The following SLC25A25 variants were observed in gnomAD, a reference collection of about 807,000 sequenced individuals.
SLC25A25 encodes the protein mitochondrial adenyl nucleotide antiporter SLC25A25.
A neutral mutation model predicts 57.7 loss-of-function variants in SLC25A25; 32 were observed. The observed-to-expected ratio is 0.55, with a 90% CI of 0.42 to 0.74. The LOEUF (loss-of-function observed/expected upper bound fraction) is 0.74, where lower values mean the gene tolerates loss of function less well. SLC25A25 is among the 30% of genes least tolerant of loss of function. The pLI, the probability that SLC25A25 is intolerant of heterozygous loss-of-function variation, is 0.00. For missense variants in SLC25A25, 556 were observed against 701.3 expected (o/e 0.79, Z 2.34); for synonymous variants, 306 against 291.2 (o/e 1.05, Z -0.52).
intron 1 of SLC25A25, among the ~76,000 whole-genome samples, chr9:128,096,787 C>T (rs1014111098): frequency 1.3e-5 from 2 of 152,102 alleles, no homozygotes; most frequent in Non-Finnish European, 1.5e-5. Context: ...AGATAAGAGG[C>T]GTGTTAAAAT....
At chr9:128,090,276 A>C (rs1833370032) in intron 1 of SLC25A25, among the ~76,000 whole-genome samples, 1 of 151,916 alleles carries the variant, frequency 6.6e-6, no homozygotes, top group Non-Finnish European at 1.5e-5. Flanking sequence ...GCAATGGTGC[A>C]ATCTTGGCTC....
chr9:128,098,808 C>T, intron 1 of SLC25A25: 1 of 1,547,612 alleles, frequency 6.5e-7, no homozygotes, highest in Non-Finnish European at 8.7e-7. Flanking sequence ...ATGAACCATC[C>T]CCCACTGAGA....
chr9:128,102,446 A>C lies in SLC25A25; in HGVS notation c.589A>C (p.Ile197Leu), dbSNP rs781364472. 1 of 1,613,888 alleles carries C rather than the reference A, an allele frequency of 6.2e-7. No homozygotes were observed. Among genetic ancestry groups the C allele is most frequent in the Non-Finnish European group, 8.5e-7 (1 of 1,179,920 alleles). Residue 197 changes from isoleucine (I) to leucine (L), a missense_variant, in exon 5 of 11, where the codon ATC (isoleucine) becomes CTC (leucine). Ile to Leu is a conservative substitution (Grantham distance 5). Transcript: ENST00000373069. The surrounding 1 kb of genome is among the most constrained non-coding windows in gnomAD (Gnocchi z 4.1). The stretch of plus-strand genomic sequence containing the variant: ...CCACCTCCTCCACCCCGTGGAAAAC[A>C]TCCCCGAGATCATCCTCTACTGGAA... Reference protein sequence around the residue: ...DYHLLHPVENIPEIILYWKHS... With the variant: ...DYHLLHPVENLPEIILYWKHS...
chr9:128,079,991 A>G (rs886904281), intron 1 of SLC25A25, among the ~76,000 whole-genome samples: 24 of 149,980 alleles, frequency 1.6e-4, no homozygotes, highest in Non-Finnish European at 2.4e-4. Context: ...CTCCCTCTCA[A>G]AAAAAAAATT....
At chr9:128,106,592 G>C (rs536902507) in intron 9 of SLC25A25, 72 bp downstream of exon 9, 2 of 1,495,964 alleles carry the variant, frequency 1.3e-6, no homozygotes, top group Admixed American at 2.1e-5. Context: ...CCTCCTTGAC[G>C]GACGCGTGGT....
intron 1 of SLC25A25, chr9:128,092,019 G>A (rs1833423263): frequency 6.2e-7 from 1 of 1,613,920 alleles, no homozygotes; most frequent in African/African-American, 1.3e-5. Flanking sequence ...AAACAGGACG[G>A]AAGGGCTGAG....
At chr9:128,105,963 C>T in intron 7 of SLC25A25, 82 bp downstream of exon 7, 2 of 1,571,990 alleles carry the variant, frequency 1.3e-6, no homozygotes, top group Non-Finnish European at 1.7e-6. Context: ...GGGCTGAGCT[C>T]CCTGACACTT....
chr9:128,079,779 T>C (rs1588753181), intron 1 of SLC25A25, among the ~76,000 whole-genome samples: 2 of 140,800 alleles, frequency 1.4e-5, no homozygotes, highest in African/African-American at 5.4e-5. Context: ...GATCACGAGG[T>C]CAAGAGATTG....
At chr9:128,100,845 C>T in intron 1 of SLC25A25, 1 of 498,192 alleles carries the variant, frequency 2.0e-6, no homozygotes, top group Non-Finnish European at 3.6e-6. Flanking sequence ...TCCTTGTTTC[C>T]TCTCTGCTTG....
At chr9:128,075,776 G>A (rs147479165) in intron 1 of SLC25A25, among the ~76,000 whole-genome samples, 2,435 of 152,038 alleles carry the variant, frequency 0.016, 56 homozygotes, top group African/African-American at 0.05. Context: ...TCCAGGAGGC[G>A]GAGGTTGCAG....
chr9:128,096,315 C>G lies in SLC25A25; in HGVS notation c.262-4781C>G, dbSNP rs530128627. ...CTTGAGGCCAGGAGTTGGAGACCAG[C>G]CTGGCCAACATGGTAAAACCTAGTC... On this transcript the variant is annotated intron_variant, in intron 1 of 10. Coordinates refer to ENST00000373069, the MANE Select transcript of SLC25A25 (RefSeq NM_001330988.2). Among the ~76,000 whole-genome samples the G allele has an allele frequency of 7.9e-5, 12 of 152,274 alleles. No individual in the cohort carries two copies. In the South Asian group the frequency reaches 2.5e-3, roughly 32 times the overall value.
intron 1 of SLC25A25, among the ~76,000 whole-genome samples, chr9:128,093,516 G>C (rs975100127): frequency 2.6e-5 from 4 of 152,184 alleles, no homozygotes; most frequent in African/African-American, 9.7e-5. Context: ...TGTCTGTTCT[G>C]AACAGCTTAG....
chr9:128,068,341 C>G lies in SLC25A25; in HGVS notation c.22C>G (p.Arg8Gly), dbSNP rs1294372988. Residue 8 changes from arginine (R) to glycine (G), a missense_variant, in exon 1 of 11, where the codon CGC becomes GGC. Physicochemically the swap from Arg to Gly is moderately radical, Grantham distance 125 (BLOSUM62 -2). This residue lies in a region of SLC25A25 where 248 missense variants were observed against 273.5 expected (regional missense o/e 0.91). Transcript: ENST00000373069. The stretch of plus-strand genomic sequence containing the variant: ...CCCGATGGTGAGCAGTGTGTTGTGC[C>G]GCTGTGTGGCCTCCCCGCCGCCGGA... Reference protein sequence around the residue: MVSSVLCRCVASPPPDAA... With the variant: MVSSVLCGCVASPPPDAA... 2.0e-6 allele frequency: 3 copies of G among 1,531,482 alleles called. No individual in the cohort carries two copies. The highest frequency in any genetic ancestry group is 2.6e-6 in the Non-Finnish European group (3 of 1,146,492). The allele number at this position is 1,531,482 out of a possible 1,614,324, so 94.9% of individuals were successfully genotyped here.
At chr9:128,088,304 T>A (rs10987870) in intron 1 of SLC25A25, among the ~76,000 whole-genome samples, 22,420 of 152,188 alleles carry the variant, frequency 0.15, 1,747 homozygotes, top group South Asian at 0.25. Flanking sequence ...GAACGGGAAC[T>A]ATTCCTAGCC....
intron 6 of SLC25A25, among the ~76,000 whole-genome samples, chr9:128,105,008 G>A (rs1422681704): frequency 1.3e-5 from 2 of 149,960 alleles, no homozygotes; most frequent in African/African-American, 2.5e-5. Flanking sequence ...ACAGGCATGC[G>A]CTATCACCCC....
At chr9:128,075,248 A>C (rs1362434898) in intron 1 of SLC25A25, among the ~76,000 whole-genome samples, 1 of 152,104 alleles carries the variant, frequency 6.6e-6, no homozygotes, top group Non-Finnish European at 1.5e-5. Context: ...CTGAGGTTGC[A>C]GTGAGCAGAG....
intron 1 of SLC25A25, among the ~76,000 whole-genome samples, chr9:128,071,066 C>T (rs1032011979): frequency 2.0e-5 from 3 of 152,156 alleles, no homozygotes; most frequent in Admixed American, 2.0e-4. Context: ...CTGCCAGGCA[C>T]ATTGAGAACG....
rs28731779 is a variant in SLC25A25, at chr9:128,106,041, T to C, written c.937-109T>C. ...AGGCCCAGGCTCACCACGAGTTCCT[T>C]ACATTTCTGGGTAGCATAAAATGTG... On this transcript the variant is annotated intron_variant, in intron 7 of 10. Coordinates refer to ENST00000373069, the MANE Select transcript of SLC25A25 (RefSeq NM_001330988.2). 1.4e-3 allele frequency: 2,139 copies of C among 1,538,770 alleles called. 26 individuals are homozygous for C. In the African/African-American group the frequency reaches 0.026, roughly 19 times the overall value.
intron 1 of SLC25A25, among the ~76,000 whole-genome samples, chr9:128,074,229 A>G (rs1028822161): frequency 2.0e-5 from 3 of 151,098 alleles, no homozygotes; most frequent in African/African-American, 7.3e-5. Context: ...TTTAGTAGAG[A>G]CAGAGTTTCA....
Sources: allele counts gnomAD v4.1 joint callset (sites outside exome capture counted in the v4.1 genomes callset), GRCh38; gene constraint gnomAD v4.1.1; regional missense constraint gnomAD v4.1.1; non-coding constraint Gnocchi (gnomAD v3.1); transcripts MANE v1.5; gene names NCBI Gene and HGNC (gene_info 2026-07-23, HGNC 2026-07-21).